Variants in GRIK3 observed in about 807,000 individuals in gnomAD.
The protein encoded by GRIK3 is glutamate receptor ionotropic, kainate 3.
GRIK3 carries 29 observed loss-of-function variants against 102.5 expected under a neutral mutation model. The ratio of observed to expected loss-of-function variants is 0.28; its 90% CI spans 0.21 to 0.39. The LOEUF is 0.39. Ranked by LOEUF, GRIK3 falls within the 10% of genes least tolerant of loss-of-function variation. The pLI is 1.00. For missense variants in GRIK3, 908 were observed against 1,252.4 expected (o/e 0.73, Z 4.15); for synonymous variants, 511 against 504.9 (o/e 1.01, Z -0.16).
chr1:36,951,755 G>A (rs987088858), intron 1 of GRIK3, among the ~76,000 whole-genome samples: 1 of 152,078 alleles, frequency 6.6e-6, no homozygotes, highest in African/African-American at 2.4e-5. Flanking sequence ...GGAGGGAGAA[G>A]GAGAAGAGGA....
chr1:36,877,920 C>A (rs1363022354), intron 3 of GRIK3, among the ~76,000 whole-genome samples: 2 of 152,224 alleles, frequency 1.3e-5, no homozygotes, highest in African/African-American at 4.8e-5. Context: ...TTATGTGTGA[C>A]CTCTGGGCAG....
intron 13 of GRIK3, among the ~76,000 whole-genome samples, chr1:36,815,377 C>T (rs546375473): frequency 6.6e-5 from 10 of 152,292 alleles, no homozygotes; most frequent in South Asian, 4.1e-4. Flanking sequence ...GCTTTCCCAC[C>T]CAACCCCTTC....
chr1:36,886,289 C>T (rs972983707), intron 2 of GRIK3, among the ~76,000 whole-genome samples: 19 of 152,264 alleles, frequency 1.2e-4, no homozygotes, highest in African/African-American at 3.9e-4. Flanking sequence ...CCCCACAGGG[C>T]CCGAGGTGGC....
intron 10 of GRIK3, among the ~76,000 whole-genome samples, chr1:36,828,185 C>A (rs568254554): frequency 6.6e-6 from 1 of 152,084 alleles, no homozygotes; most frequent in East Asian, 1.9e-4. Flanking sequence ...TAGATAGGAT[C>A]CCTTGGTGGG....
At chr1:36,887,805 G>C (rs1340744648) in intron 2 of GRIK3, among the ~76,000 whole-genome samples, 2 of 10,102 alleles carry the variant, frequency 2.0e-4, no homozygotes, top group Non-Finnish European at 8.0e-4. Flanking sequence ...GAGAGAGAGA[G>C]AGTGAGAGAG....
intron 1 of GRIK3, among the ~76,000 whole-genome samples, chr1:37,022,482 C>T (rs1041160012): frequency 4.6e-5 from 7 of 152,192 alleles, no homozygotes; most frequent in Admixed American, 3.3e-4. Context: ...AGGAACAAGA[C>T]AATGAATGTA....
At chr1:36,898,922 T>C (rs938093279) in intron 1 of GRIK3, among the ~76,000 whole-genome samples, 2 of 152,142 alleles carry the variant, frequency 1.3e-5, no homozygotes, top group Non-Finnish European at 2.9e-5. Flanking sequence ...CTAAGACTAC[T>C]GAATGGGGAA....
rs1216494385 is a variant in GRIK3, at chr1:36,797,607, C to G, written c.*4244G>C. 6.6e-6 allele frequency: 1 copy of G among 152,246 alleles called. No individual in the cohort carries two copies. Among genetic ancestry groups the G allele is most frequent in the African/African-American group, 2.4e-5 (1 of 41,454 alleles). The allele number at this position is 152,246 out of a possible 1,614,324, so 9.4% of individuals were successfully genotyped here. ...TATCTGTCCATGAGGCTGGGCCCAT[C>G]CCAGATGATAAGTCCATGCAGCTGT... On this transcript the variant is annotated 3_prime_UTR_variant, in exon 16 of 16. Coordinates refer to ENST00000373091, the MANE Select transcript of GRIK3 (RefSeq NM_000831.4).
rs770217017 is a variant in GRIK3, at chr1:36,880,894, G to A, written c.293-3C>T. The A allele has an allele frequency of 4.4e-6, 7 of 1,600,190 alleles. No homozygotes were observed. The highest frequency in any genetic ancestry group is 5.1e-6 in the Non-Finnish European group (6 of 1,173,158). Reference sequence around the variant, plus strand: ...GCCCAGTGCCAGCTGGTCACAGGCTGCAACAGAGGGTAGGGCAGCACAGGG... The same window carrying A: ...GCCCAGTGCCAGCTGGTCACAGGCTACAACAGAGGGTAGGGCAGCACAGGG... On this transcript the variant is annotated splice_polypyrimidine_tract_variant and splice_region_variant and intron_variant, in intron 2 of 15. Coordinates refer to ENST00000373091, the MANE Select transcript of GRIK3 (RefSeq NM_000831.4). The surrounding 1 kb of genome is among the most constrained non-coding windows in gnomAD (Gnocchi z 5.4).
At chr1:36,893,159 A>G (rs1641135641) in intron 1 of GRIK3, among the ~76,000 whole-genome samples, 1 of 152,318 alleles carries the variant, frequency 6.6e-6, no homozygotes, top group East Asian at 1.9e-4. Context: ...TTTCAAAAAC[A>G]TCAGAAACCA....
intron 1 of GRIK3, among the ~76,000 whole-genome samples, chr1:36,928,780 C>T (rs933367060): frequency 3.3e-5 from 5 of 152,170 alleles, no homozygotes; most frequent in African/African-American, 1.2e-4. Flanking sequence ...TCATATTAGG[C>T]CCCTCTTTGT....
intron 1 of GRIK3, among the ~76,000 whole-genome samples, chr1:36,974,056 T>C (rs988506429): frequency 3.9e-5 from 6 of 152,310 alleles, no homozygotes; most frequent in Non-Finnish European, 7.3e-5. Context: ...CTTCATGGGA[T>C]TGAGGCCCCA....
chr1:36,816,688 A>G (rs1642635394), intron 13 of GRIK3, among the ~76,000 whole-genome samples: 1 of 152,096 alleles, frequency 6.6e-6, no homozygotes, highest in Admixed American at 6.5e-5. Flanking sequence ...GATGGACGGC[A>G]TTGAGGTCTG....
At chr1:36,816,108 C>G (rs1642623390) in intron 13 of GRIK3, among the ~76,000 whole-genome samples, 1 of 152,192 alleles carries the variant, frequency 6.6e-6, no homozygotes, top group African/African-American at 2.4e-5. Context: ...GATCTAAGAA[C>G]CACTGGCTTA....
intron 1 of GRIK3, among the ~76,000 whole-genome samples, chr1:36,898,712 A>G (rs540558514): frequency 6.6e-6 from 1 of 152,182 alleles, no homozygotes; most frequent in Admixed American, 6.6e-5. Context: ...CCTAAAATTC[A>G]TATGGAATTG....
intron 3 of GRIK3, among the ~76,000 whole-genome samples, chr1:36,873,422 G>A (rs1381253359): frequency 6.6e-6 from 1 of 152,076 alleles, no homozygotes. Context: ...CTATTTCAAG[G>A]TCCATTTTTG....
intron 1 of GRIK3, among the ~76,000 whole-genome samples, chr1:36,969,488 A>T (rs79586182): frequency 0.015 from 2,339 of 152,346 alleles, 60 homozygotes; most frequent in African/African-American, 0.053. Flanking sequence ...TTATCCATTC[A>T]TTCAACATTT....
intron 1 of GRIK3, among the ~76,000 whole-genome samples, chr1:36,986,914 A>C (rs1642312862): frequency 6.6e-6 from 1 of 152,208 alleles, no homozygotes; most frequent in African/African-American, 2.4e-5. Flanking sequence ...AAACTAATGC[A>C]GTCATTTCAG....
At chr1:36,818,695 A>G (rs1283759031) in intron 12 of GRIK3, among the ~76,000 whole-genome samples, 1 of 152,222 alleles carries the variant, frequency 6.6e-6, no homozygotes, top group Non-Finnish European at 1.5e-5. Flanking sequence ...CCCAGGACAC[A>G]TTGGGATAAT....
Sources: gnomAD v4.1 joint callset for allele counts (sites outside exome capture counted in the v4.1 genomes callset) on GRCh38, gnomAD v4.1.1 for gene constraint, Gnocchi (gnomAD v3.1) non-coding constraint, MANE v1.5 for transcripts, NCBI Gene and HGNC (gene_info 2026-07-23, HGNC 2026-07-21) for gene names.